ROBO1: variants seen among roughly 807,000 people sequenced by gnomAD.
ROBO1 encodes the protein roundabout guidance receptor 1, also known as roundabout homolog 1.
In ROBO1, 149 loss-of-function variants were observed where a neutral mutation model predicts 195.9. The observed-to-expected ratio is 0.76, with a 90% CI of 0.67 to 0.87. ROBO1 has a LOEUF of 0.87. Among genes scored for constraint, ROBO1 ranks in the 40% least tolerant of loss-of-function variants. The probability of loss-of-function intolerance (pLI) is 0.00; values close to 1 mark genes in which losing one functional copy is unlikely to be tolerated. For missense variants in ROBO1, 1,933 were observed against 2,068.3 expected, an observed-to-expected ratio of 0.93 and a Z score of 1.27; for synonymous variants, 816 against 733.2, an observed-to-expected ratio of 1.11 and a Z score of -1.82.
intron 4 of ROBO1, among the ~76,000 whole-genome samples, chr3:78,907,789 T>G (rs1196082739): frequency 1.3e-5 from 2 of 151,778 alleles, no homozygotes; most frequent in Non-Finnish European, 2.9e-5. Context: ...TCACAACATG[T>G]GAATTATATG....
In ROBO1 at chr3:78,694,821, C is replaced by T. The variant is rs141769051; in HGVS notation, c.1046-6049G>A. 5.9e-5 allele frequency among the ~76,000 whole-genome samples: 9 copies of T among 152,110 alleles called. No homozygotes were observed. In the East Asian group the frequency reaches 1.5e-3, roughly 26 times the overall value. On this transcript the variant is annotated intron_variant, in intron 8 of 30. Coordinates refer to ENST00000464233, the MANE Select transcript of ROBO1 (RefSeq NM_002941.4). ...AGATAACAATAAGTTATAGGATTAC[C>T]GTTTGGATTAATCTGTGAAAATAAA... is the stretch of plus-strand genomic sequence containing the variant.
In ROBO1 at chr3:78,688,740, G is replaced by C; in HGVS notation, c.1078C>G (p.Gln360Glu). The C allele has an allele frequency of 2.5e-6, 4 of 1,609,220 alleles. No homozygotes were observed. Among genetic ancestry groups the C allele is most frequent in the Non-Finnish European group, 3.4e-6 (4 of 1,177,658 alleles). ...PPHFVVKPRD[Q>E]VVALGRTVTF... ...ACAGTCCGTCCCAAAGCAACAACCT[G>C]GTCACGGGGTTTCACAACAAAATGT... is the stretch of plus-strand genomic sequence containing the variant. The change falls in exon 9 of 31, where the codon CAG (glutamine) becomes GAG (glutamate). Residue 360 changes from glutamine (Q) to glutamate (E), a missense_variant. By Grantham distance (29) the Gln-to-Glu change is conservative. Transcript: ENST00000464233.
intron 4 of ROBO1, among the ~76,000 whole-genome samples, chr3:78,889,948 C>T (rs758364696): frequency 2.0e-5 from 3 of 152,040 alleles, no homozygotes; most frequent in Non-Finnish European, 4.4e-5. Context: ...TCAAATGTCA[C>T]TCTCTCAGCG....
chr3:79,487,130 G>C (rs540619563), intron 2 of ROBO1, among the ~76,000 whole-genome samples: 1 of 150,792 alleles, frequency 6.6e-6, no homozygotes, highest in South Asian at 2.1e-4. Context: ...ACCTCCTGGA[G>C]AATTACTAAT....
intron 3 of ROBO1, among the ~76,000 whole-genome samples, chr3:78,944,502 T>C (rs546934832): frequency 1.3e-5 from 2 of 152,192 alleles, no homozygotes; most frequent in East Asian, 3.9e-4. Flanking sequence ...AAAGAGTTCT[T>C]TGGGGATAGA....
chr3:79,047,374 A>T (rs1426633567), intron 3 of ROBO1, among the ~76,000 whole-genome samples: 1 of 151,716 alleles, frequency 6.6e-6, no homozygotes, highest in African/African-American at 2.4e-5. Flanking sequence ...AGGACTGTTA[A>T]AAAAAAAGTG....
At chr3:79,760,491 C>A (rs1401321897) in intron 1 of ROBO1, among the ~76,000 whole-genome samples, 13 of 78,720 alleles carry the variant, frequency 1.7e-4, no homozygotes, top group South Asian at 1.4e-3. Context: ...ATTTCCAATG[C>A]AATACCAAAA....
At chr3:79,717,680 T>C (rs1702543855) in intron 1 of ROBO1, among the ~76,000 whole-genome samples, 1 of 152,054 alleles carries the variant, frequency 6.6e-6, no homozygotes, top group South Asian at 2.1e-4. Context: ...TACTGCTATT[T>C]TGTGCATGTT....
intron 2 of ROBO1, among the ~76,000 whole-genome samples, chr3:79,309,316 C>T (rs575636036): frequency 1.5e-4 from 23 of 152,262 alleles, no homozygotes; most frequent in African/African-American, 5.5e-4. Flanking sequence ...CACCTATAAT[C>T]CAAGCACTTT....
chr3:79,349,240 T>C (rs2035249603), intron 2 of ROBO1, among the ~76,000 whole-genome samples: 3 of 152,144 alleles, frequency 2.0e-5, no homozygotes, highest in Admixed American at 2.0e-4. Context: ...AGTAAATGCT[T>C]CCTTAGGCTT....
intron 2 of ROBO1, among the ~76,000 whole-genome samples, chr3:79,160,976 C>T (rs914716732): frequency 3.3e-5 from 5 of 152,002 alleles, no homozygotes; most frequent in East Asian, 3.9e-4. Context: ...GATAATTTTC[C>T]GAGTTTAATA....
chr3:79,502,273 GA>G (rs1940118651), intron 2 of ROBO1, among the ~76,000 whole-genome samples: 1 of 152,142 alleles, frequency 6.6e-6, no homozygotes, highest in Non-Finnish European at 1.5e-5. Context: ...GCGCGGGCGG[GA>G]ACCGGGGCTG....
At chr3:78,880,513 C>T (rs1270855629) in intron 4 of ROBO1, among the ~76,000 whole-genome samples, 2 of 152,118 alleles carry the variant, frequency 1.3e-5, no homozygotes, top group African/African-American at 4.8e-5. Context: ...ATAATAATCA[C>T]AGACTCACTA....
intron 4 of ROBO1, among the ~76,000 whole-genome samples, chr3:78,917,036 A>C (rs1374710322): frequency 2.0e-5 from 3 of 152,156 alleles, no homozygotes; most frequent in Non-Finnish European, 2.9e-5. Flanking sequence ...TAAATTATTA[A>C]ATTCTTATTC....
At chr3:78,927,440 T>C (rs900600599) in intron 4 of ROBO1, among the ~76,000 whole-genome samples, 3 of 152,192 alleles carry the variant, frequency 2.0e-5, no homozygotes, top group African/African-American at 7.2e-5. Context: ...AGACAGATTA[T>C]TCATACAAAA....
At chr3:79,585,202 C>CT (rs1943791284) in intron 2 of ROBO1, among the ~76,000 whole-genome samples, 2 of 151,734 alleles carry the variant, frequency 1.3e-5, no homozygotes, top group Admixed American at 6.6e-5. Context: ...TTATTAGTTT[C>CT]TTTTTATAGA....
At chr3:79,488,681 A>G (rs1939287573) in intron 2 of ROBO1, among the ~76,000 whole-genome samples, 1 of 152,180 alleles carries the variant, frequency 6.6e-6, no homozygotes, top group Non-Finnish European at 1.5e-5. Flanking sequence ...TTTCACTTAT[A>G]AATACTCTCT....
chr3:78,939,745 CCA>C (rs1211956231), intron 3 of ROBO1, among the ~76,000 whole-genome samples: 5 of 150,980 alleles, frequency 3.3e-5, no homozygotes, highest in Non-Finnish European at 5.9e-5. Context: ...ATACACTTCC[CCA>C]GAGTTTTTAT....
chr3:79,620,017 C>T (rs191945246), intron 1 of ROBO1, among the ~76,000 whole-genome samples: 18 of 152,314 alleles, frequency 1.2e-4, no homozygotes, highest in African/African-American at 4.1e-4. Context: ...CTCCAGCATA[C>T]AAGAACTTCA....
Sources: gnomAD v4.1 joint callset for allele counts (sites outside exome capture counted in the v4.1 genomes callset) on GRCh38, gnomAD v4.1.1 for gene constraint, MANE v1.5 for transcripts, NCBI Gene and HGNC (gene_info 2026-07-23, HGNC 2026-07-21) for gene names.